The following POLR3B variants were observed in gnomAD, a reference collection of about 807,000 sequenced individuals.
POLR3B encodes the protein RNA polymerase III subunit B, also known as DNA-directed RNA polymerase III subunit RPC2.
POLR3B carries 96 observed loss-of-function variants against 147.4 expected under a neutral mutation model. The observed-to-expected ratio is 0.65, with a 90% confidence interval of 0.55 to 0.77. The LOEUF (loss-of-function observed/expected upper bound fraction) is 0.77, where lower values mean the gene tolerates loss of function less well. Ranked by LOEUF, POLR3B falls within the 30% of genes least tolerant of loss-of-function variation. The pLI, the probability that POLR3B is intolerant of heterozygous loss-of-function variation, is 0.00. For missense variants in POLR3B, 1,036 were observed against 1,413.5 expected (o/e 0.73, Z 4.28); for synonymous variants, 461 against 485.9 (o/e 0.95, Z 0.67).
intron 23 of POLR3B, among the ~76,000 whole-genome samples, chr12:106,466,612 T>A (rs2038009271): frequency 6.6e-6 from 1 of 152,324 alleles, no homozygotes; most frequent in Non-Finnish European, 1.5e-5. Context: ...TTCATCCATC[T>A]TGAGTTGATT....
chr12:106,509,532 T>TC lies in POLR3B; in HGVS notation c.3387dup (p.Lys1130GlnfsTer4), dbSNP rs1391881366. 2 of 1,613,016 alleles carry TC rather than the reference T, an allele frequency of 1.2e-6. No individual in the cohort carries two copies. Among genetic ancestry groups the TC allele is most frequent in the Admixed American group, 3.3e-5 (2 of 60,028 alleles). On this transcript the variant is annotated frameshift_variant, in exon 28 of 28. Transcript: ENST00000228347. LOFTEE classifies it high-confidence loss of function. ...GAACATCATCCCCAGGTTAAAACTG[T>TC]CCAAGTACAATGAATGAGGATGGAA...
At chr12:106,437,891 G>A (rs1466553822) in intron 18 of POLR3B, 112 bp downstream of exon 18, 2 of 713,060 alleles carry the variant, frequency 2.8e-6, no homozygotes, top group East Asian at 5.4e-5. Context: ...GACAGGAACT[G>A]TTAGAAATAT....
chr12:106,509,648 CT>C lies in POLR3B; in HGVS notation c.*101del. ...TACGTCTCCTCCTGTGAAGAATTCC[CT>C]TGCGTATTCTCTCTCTAAAACAACC... On this transcript the variant is annotated 3_prime_UTR_variant, in exon 28 of 28. Transcript: ENST00000228347. 1 of 1,093,678 alleles carries C rather than the reference CT, an allele frequency of 9.1e-7. No individual in the cohort carries two copies. Among genetic ancestry groups the C allele is most frequent in the Non-Finnish European group, 1.4e-6 (1 of 736,186 alleles). 67.7% of individuals were successfully genotyped at this position (1,093,678 alleles called of 1,614,324 possible).
At chr12:106,475,938 G>T (rs1469427171) in intron 23 of POLR3B, among the ~76,000 whole-genome samples, 3,029 of 151,198 alleles carry the variant, frequency 0.02, 83 homozygotes, top group African/African-American at 0.069. Context: ...TTGCTCATTA[G>T]TTGATGCAGT....
At chr12:106,425,613 A>C (rs984606514) in intron 12 of POLR3B, among the ~76,000 whole-genome samples, 3 of 152,136 alleles carry the variant, frequency 2.0e-5, no homozygotes, top group African/African-American at 4.8e-5. Context: ...GTTTTCCAAC[A>C]AAGGGGTCTT....
Position 106,404,746 on chromosome 12 carries a change from A to G in POLR3B, c.847-1111A>G, listed in dbSNP as rs547053619. Among the ~76,000 whole-genome samples the G allele has an allele frequency of 4.6e-5, 7 of 152,198 alleles. No homozygotes were observed. The East Asian group carries it at 1.4e-3, about 29-fold the overall frequency. On this transcript the variant is annotated intron_variant, in intron 10 of 27. Transcript: ENST00000228347. ...TCTTTTAATTTTGAAAAAACTTAGG[A>G]GGATTTTTTTATTTGTTTAGCTTTT...
rs2137027936 is a variant in POLR3B at position 106,454,605 on chromosome 12, AT to A, written c.2190del (p.Phe730LeufsTer14). ...VKTKTIELIEFEKLPAGQNAT... is the reference protein window; with the variant it reads ...VKTKTIELIEXEKLPAGQNAT... ...AGACAAAAACCATTGAATTGATAGA[AT>A]TTGAGAAACTGCCAGCTGGACAGAA... On this transcript the variant is annotated frameshift_variant, in exon 20 of 28. Coordinates refer to ENST00000228347, the MANE Select transcript of POLR3B (RefSeq NM_018082.6). LOFTEE classifies it high-confidence loss of function. The A allele has an allele frequency of 1.2e-6, 2 of 1,610,402 alleles. No homozygotes were observed. The highest frequency in any genetic ancestry group is 1.7e-6 in the Non-Finnish European group (2 of 1,176,736).
At chr12:106,372,894 A>G (rs983646792) in intron 6 of POLR3B, among the ~76,000 whole-genome samples, 3 of 152,220 alleles carry the variant, frequency 2.0e-5, no homozygotes, top group African/African-American at 7.2e-5. Flanking sequence ...CCCTTGGTAT[A>G]AAATGAGAAT....
chr12:106,455,283 T>C (rs971161017), intron 20 of POLR3B, among the ~76,000 whole-genome samples: 1 of 152,210 alleles, frequency 6.6e-6, no homozygotes, highest in African/African-American at 2.4e-5. Flanking sequence ...TCACCTGATC[T>C]GAAGTCTGAC....
At chr12:106,402,389 G>A (rs1336873654) in intron 10 of POLR3B, among the ~76,000 whole-genome samples, 4 of 152,090 alleles carry the variant, frequency 2.6e-5, no homozygotes, top group African/African-American at 7.2e-5. Flanking sequence ...TACTGCCCAA[G>A]GTAATTTATA....
chr12:106,419,794 C>CTATTTTTTTT (rs2037350677), intron 12 of POLR3B, among the ~76,000 whole-genome samples: 1 of 88,944 alleles, frequency 1.1e-5, no homozygotes, highest in African/African-American at 4.2e-5. Flanking sequence ...TTTAGTTTTG[C>CTATTTTTTTT]TTTTTTTTTT....
chr12:106,468,083 G>C (rs2038031924), intron 23 of POLR3B, among the ~76,000 whole-genome samples: 1 of 152,104 alleles, frequency 6.6e-6, no homozygotes, highest in African/African-American at 2.4e-5. Context: ...GTCTGGTCCT[G>C]GACTTTTTTT....
At chr12:106,509,398 C>T (rs1280978697) in intron 27 of POLR3B, 22 bp from the exon 28 acceptor site, 11 of 1,612,796 alleles carry the variant, frequency 6.8e-6, no homozygotes, top group South Asian at 3.3e-5. Context: ...GTCTGTCTAA[C>T]GCTTGCTGAC....
At position 106,415,014 on chromosome 12, in the gene POLR3B, C is replaced by G. The variant is rs193219298; in HGVS notation, c.1101+4054C>G. Among the ~76,000 whole-genome samples, 453 of 152,308 alleles carry G rather than the reference C, an allele frequency of 3.0e-3. 1 individual carries two copies. Among genetic ancestry groups the G allele is most frequent in the African/African-American group, 9.4e-3 (389 of 41,582 alleles). On this transcript the variant is annotated intron_variant, in intron 12 of 27. Coordinates refer to ENST00000228347, the MANE Select transcript of POLR3B (RefSeq NM_018082.6). ...ACCTCTATGTCACTCCAGACTCTTT[C>G]TGTTCCTTCACTCTACACATCAGGT...
intron 18 of POLR3B, among the ~76,000 whole-genome samples, chr12:106,442,109 G>T (rs1411141161): frequency 6.8e-6 from 1 of 147,922 alleles, no homozygotes; most frequent in Non-Finnish European, 1.5e-5. Flanking sequence ...AAGAAAGAAA[G>T]AAATCTCCCA....
chr12:106,491,871 A>C (rs1451282915), intron 23 of POLR3B, among the ~76,000 whole-genome samples: 1 of 152,210 alleles, frequency 6.6e-6, no homozygotes, highest in Non-Finnish European at 1.5e-5. Context: ...AATAATATAT[A>C]TTAACCTCAG....
chr12:106,427,008 T>C (rs559680701), intron 12 of POLR3B, among the ~76,000 whole-genome samples, 189 bp from the exon 13 acceptor site: 47 of 152,228 alleles, frequency 3.1e-4, no homozygotes, highest in African/African-American at 1.1e-3. Context: ...TTTAAATGCC[T>C]AGCACGGTGT....
At chr12:106,368,386 C>G (rs1593000935) in intron 4 of POLR3B, among the ~76,000 whole-genome samples, 1 of 152,096 alleles carries the variant, frequency 6.6e-6, no homozygotes, top group East Asian at 1.9e-4. Flanking sequence ...ATTTCTTTAT[C>G]CTATCCATTT....
intron 18 of POLR3B, among the ~76,000 whole-genome samples, chr12:106,441,505 A>G (rs1408642230): frequency 6.6e-6 from 1 of 152,202 alleles, no homozygotes; most frequent in East Asian, 1.9e-4. Context: ...ACATATCTAA[A>G]CAAAGAAAAG....
Sources: gnomAD v4.1 joint callset for allele counts (sites outside exome capture counted in the v4.1 genomes callset) on GRCh38, gnomAD v4.1.1 for gene constraint, MANE v1.5 for transcripts, NCBI Gene and HGNC (gene_info 2026-07-23, HGNC 2026-07-21) for gene names.